The following RFX2 variants were observed in gnomAD, a reference collection of about 807,000 sequenced individuals.
The protein encoded by RFX2 is DNA-binding protein RFX2.
A neutral mutation model predicts 87.8 loss-of-function variants in RFX2; 20 were observed. The observed-to-expected ratio is 0.23, with a 90% confidence interval of 0.16 to 0.33. RFX2 has a LOEUF of 0.33. RFX2 is among the 10% of genes least tolerant of loss of function. The pLI is 1.00. For synonymous variants in RFX2, 397 were observed against 431.3 expected (o/e 0.92, Z 0.98); for missense variants, 767 against 1,012.3 (o/e 0.76, Z 3.29).
At chr19:6,067,100 G>A (rs972786018) in intron 1 of RFX2, among the ~76,000 whole-genome samples, 2 of 152,150 alleles carry the variant, frequency 1.3e-5, no homozygotes, top group African/African-American at 4.8e-5. Flanking sequence ...CATCACAGGA[G>A]GGATTTCAAT....
At chr19:6,065,129 G>A (rs903307216) in intron 1 of RFX2, among the ~76,000 whole-genome samples, 4 of 152,156 alleles carry the variant, frequency 2.6e-5, no homozygotes, top group South Asian at 4.1e-4. Context: ...AAATAATATT[G>A]TAGAAGGTAG....
chr19:6,044,595 A>G lies in RFX2; in HGVS notation c.91-313T>C, dbSNP rs1209502775. Among the ~76,000 whole-genome samples the G allele has an allele frequency of 6.6e-6, 1 of 152,192 alleles. No homozygotes were observed. Among genetic ancestry groups the G allele is most frequent in the Non-Finnish European group, 1.5e-5 (1 of 68,014 alleles). On this transcript the variant is annotated intron_variant, in intron 2 of 17. Coordinates refer to ENST00000303657, the MANE Select transcript of RFX2 (RefSeq NM_000635.4). This position sits in a 1 kb window ranked among gnomAD's most constrained non-coding sequence, Gnocchi z 5.3. The stretch of plus-strand genomic sequence containing the variant: ...ACGTATGCACACACACATACACGGA[A>G]GCACATGCACCTTCACCCGCCCAGG...
Position 6,012,718 on chromosome 19 carries a change from C to A in RFX2, c.899+268G>T, listed in dbSNP as rs893057743. ...ACTTTCTACTCAATTTTGCTGTGAA[C>A]CTAGAATGGCTCTAAAAAATGAAGT... On this transcript the variant is annotated intron_variant, in intron 8 of 17. Coordinates refer to ENST00000303657, the MANE Select transcript of RFX2 (RefSeq NM_000635.4). The surrounding 1 kb of genome is among the most constrained non-coding windows in gnomAD (Gnocchi z 4.6). 6.6e-6 allele frequency among the ~76,000 whole-genome samples: 1 copy of A among 152,004 alleles called. No individual in the cohort carries two copies. Among genetic ancestry groups the A allele is most frequent in the East Asian group, 1.9e-4 (1 of 5,194 alleles).
rs1327925403 is a variant in RFX2, at chr19:6,090,050, G to A, written c.-9+20343C>T. 9.9e-5 allele frequency among the ~76,000 whole-genome samples: 15 copies of A among 152,122 alleles called. 1 individual carries two copies. Among genetic ancestry groups the A allele is most frequent in the Middle Eastern group, 6.8e-3 (2 of 294 alleles). On this transcript the variant is annotated intron_variant, in intron 1 of 17. Transcript: ENST00000303657. ...GTACATCGCTCACTGCAGCCTCAAC[G>A]TCCCAGGCTCAAGAGGTCCTCCCAC... is the stretch of plus-strand genomic sequence containing the variant.
rs866004172 is a variant in RFX2, at chr19:6,039,145, C to T, written c.522+835G>A. Among the ~76,000 whole-genome samples, 5 of 152,156 alleles carry T rather than the reference C, an allele frequency of 3.3e-5. No homozygotes were observed. The highest frequency in any genetic ancestry group is 4.1e-4 in the South Asian group (2 of 4,824). ...TACTCAGTAACAAAAAAAAGCAACT[C>T]GGATTCATGCAGCAACTTGACTGAA... On this transcript the variant is annotated intron_variant, in intron 5 of 17. Transcript: ENST00000303657. This position sits in a 1 kb window ranked among gnomAD's most constrained non-coding sequence, Gnocchi z 5.2.
intron 1 of RFX2, among the ~76,000 whole-genome samples, chr19:6,066,722 T>C (rs1169123604): frequency 6.6e-6 from 1 of 152,042 alleles, no homozygotes; most frequent in Admixed American, 6.5e-5. Context: ...CAGAGAAAAA[T>C]ATATGCAGAT....
At position 6,110,007 on chromosome 19, in the gene RFX2, G is replaced by T. The variant is rs1330427183; in HGVS notation, c.-9+386C>A. Among the ~76,000 whole-genome samples the T allele has an allele frequency of 6.6e-6, 1 of 151,526 alleles. No individual in the cohort carries two copies. The highest frequency in any genetic ancestry group is 1.9e-4 in the East Asian group (1 of 5,136). On this transcript the variant is annotated intron_variant, in intron 1 of 17. Transcript: ENST00000303657. This position sits in a 1 kb window ranked among gnomAD's most constrained non-coding sequence, Gnocchi z 4.3. ...GAGATCTAGGGGGTTAAGGTGAGAA[G>T]AGGGTCCCCAAGCGCCCCCAATTCA...
chr19:5,997,347 C>T lies in RFX2; in HGVS notation c.1860-134G>A, dbSNP rs1168391618. On this transcript the variant is annotated intron_variant, in intron 15 of 17. Coordinates refer to ENST00000303657, the MANE Select transcript of RFX2 (RefSeq NM_000635.4). This position sits in a 1 kb window ranked among gnomAD's most constrained non-coding sequence, Gnocchi z 4.2. Reference sequence around the variant, plus strand: ...ACCCAGAGGCTGAGTGATCCTAAGACGTGCAGGCCTACGCGGGGGCTGACG... The same window carrying T: ...ACCCAGAGGCTGAGTGATCCTAAGATGTGCAGGCCTACGCGGGGGCTGACG... 8 of 1,056,380 alleles carry T rather than the reference C, an allele frequency of 7.6e-6. No homozygotes were observed. The highest frequency in any genetic ancestry group is 6.2e-4 in the Middle Eastern group (2 of 3,232). 65.4% of individuals were successfully genotyped at this position (1,056,380 alleles called of 1,614,324 possible).
chr19:5,998,465 C>T lies in RFX2; in HGVS notation c.1860-1252G>A, dbSNP rs1348913201. ...AAGTATACTTTCATAAACTCTGTTA[C>T]GTCTAATCGGTATCGAGCGATAAAA... On this transcript the variant is annotated intron_variant, in intron 15 of 17. Coordinates refer to ENST00000303657, the MANE Select transcript of RFX2 (RefSeq NM_000635.4). The surrounding 1 kb of genome is among the most constrained non-coding windows in gnomAD (Gnocchi z 4.2). 3.3e-5 allele frequency among the ~76,000 whole-genome samples: 5 copies of T among 152,216 alleles called. No homozygotes were observed. The highest frequency in any genetic ancestry group is 1.5e-5 in the Non-Finnish European group (1 of 68,050).
Position 6,064,322 on chromosome 19 carries a change from C to T in RFX2, c.-8-16818G>A, listed in dbSNP as rs1196584511. On this transcript the variant is annotated intron_variant, in intron 1 of 17. Transcript: ENST00000303657. This position sits in a 1 kb window ranked among gnomAD's most constrained non-coding sequence, Gnocchi z 4.8. ...ATGCTTTTGTGTTCTCCTTCTCTTA[C>T]CAGCCTTTCTTTCCCTCTCACGTTT... Among the ~76,000 whole-genome samples, 1 of 152,224 alleles carries T rather than the reference C, an allele frequency of 6.6e-6. No homozygotes were observed. The highest frequency in any genetic ancestry group is 1.5e-5 in the Non-Finnish European group (1 of 68,042).
Position 6,056,885 on chromosome 19 carries a change from G to A in RFX2, c.-8-9381C>T, listed in dbSNP as rs1465035871. 2.6e-5 allele frequency among the ~76,000 whole-genome samples: 4 copies of A among 152,286 alleles called. No homozygotes were observed. Among genetic ancestry groups the A allele is most frequent in the Admixed American group, 6.5e-5 (1 of 15,296 alleles). On this transcript the variant is annotated intron_variant, in intron 1 of 17. Coordinates refer to ENST00000303657, the MANE Select transcript of RFX2 (RefSeq NM_000635.4). The surrounding 1 kb of genome is among the most constrained non-coding windows in gnomAD (Gnocchi z 4.6). ...ACAGCCAATATAAAGGGGAGGGGCC[G>A]CAACACGACCTGTCACCCAGCCTGG...
At chr19:6,025,385 A>G (rs1193495901) in intron 6 of RFX2, among the ~76,000 whole-genome samples, 1 of 152,218 alleles carries the variant, frequency 6.6e-6, no homozygotes, top group Non-Finnish European at 1.5e-5. Flanking sequence ...TGTATGAATT[A>G]GCTGCTTTAT....
chr19:6,041,447 C>T (rs2087105130), intron 4 of RFX2, among the ~76,000 whole-genome samples: 1 of 152,148 alleles, frequency 6.6e-6, no homozygotes, highest in Non-Finnish European at 1.5e-5. Flanking sequence ...CACACAGTTA[C>T]AGAGCAGAAA....
rs559093327 is a variant in RFX2, at chr19:6,021,493, C to T, written c.597+4670G>A. On this transcript the variant is annotated intron_variant, in intron 6 of 17. Transcript: ENST00000303657. This position sits in a 1 kb window ranked among gnomAD's most constrained non-coding sequence, Gnocchi z 5.7. ...GGAGGGACTGGAGGGAGGACTGCAACGGTATAGTAAGTTGAGGTGGGGTGG... is the reference window on the plus strand; with the variant it reads ...GGAGGGACTGGAGGGAGGACTGCAATGGTATAGTAAGTTGAGGTGGGGTGG... Among the ~76,000 whole-genome samples, 10 of 152,034 alleles carry T rather than the reference C, an allele frequency of 6.6e-5. No individual in the cohort carries two copies. The highest frequency in any genetic ancestry group is 1.3e-4 in the Admixed American group (2 of 15,274).
chr19:6,092,261 G>GTGGCTGC (rs1444766197), intron 1 of RFX2, among the ~76,000 whole-genome samples: 3 of 152,206 alleles, frequency 2.0e-5, no homozygotes, highest in South Asian at 4.1e-4. Flanking sequence ...ACAGGATCTA[G>GTGGCTGC]TGGCTGCACA....
rs2086457378 is a variant in RFX2, at chr19:5,999,081, C to A, written c.1860-1868G>T. ...GAGCAGCCCGGCCAACATGGCAAAA[C>A]CCCGTCTCTACTAAAAATACAAAAA... On this transcript the variant is annotated intron_variant, in intron 15 of 17. Transcript: ENST00000303657. The surrounding 1 kb of genome is among the most constrained non-coding windows in gnomAD (Gnocchi z 4.1). 6.6e-6 allele frequency among the ~76,000 whole-genome samples: 1 copy of A among 152,094 alleles called. No homozygotes were observed. Among genetic ancestry groups the A allele is most frequent in the Admixed American group, 6.5e-5 (1 of 15,272 alleles).
intron 1 of RFX2, among the ~76,000 whole-genome samples, chr19:6,098,940 A>G (rs1048791391): frequency 9.6e-5 from 14 of 145,148 alleles, no homozygotes; most frequent in Non-Finnish European, 1.8e-4. Context: ...GCAGCTTTCA[A>G]ATCTTTCACA....
Position 6,021,674 on chromosome 19 carries a change from G to A in RFX2, c.597+4489C>T, listed in dbSNP as rs1311486561. 6.6e-6 allele frequency among the ~76,000 whole-genome samples: 1 copy of A among 152,264 alleles called. No homozygotes were observed. Among genetic ancestry groups the A allele is most frequent in the Non-Finnish European group, 1.5e-5 (1 of 68,040 alleles). ...TGGTGCATTGGAGGAATAGCGAGGA[G>A]GCCCGTGTGGCTGGAGCACAGTGAG... On this transcript the variant is annotated intron_variant, in intron 6 of 17. Transcript: ENST00000303657. This position sits in a 1 kb window ranked among gnomAD's most constrained non-coding sequence, Gnocchi z 5.7.
intron 1 of RFX2, chr19:6,077,979 TCA>T (rs2087718214): frequency 1.7e-5 from 1 of 60,366 alleles, no homozygotes. Flanking sequence ...AAATTCCATC[TCA>T]AAAAAAAAAA....
Sources: allele counts gnomAD v4.1 joint callset (sites outside exome capture counted in the v4.1 genomes callset), GRCh38; gene constraint gnomAD v4.1.1; non-coding constraint Gnocchi (gnomAD v3.1); transcripts MANE v1.5; gene names NCBI Gene and HGNC (gene_info 2026-07-23, HGNC 2026-07-21).